The following NRXN2 variants were observed in gnomAD, a reference collection of about 807,000 sequenced individuals.
NRXN2 encodes the protein neurexin-2-beta.
In NRXN2, 29 loss-of-function variants were observed where a neutral mutation model predicts 128.8. The ratio of observed to expected loss-of-function variants is 0.23; its 90% CI spans 0.17 to 0.31. The LOEUF is 0.31. NRXN2 is among the 10% of genes least tolerant of loss of function. The probability of loss-of-function intolerance (pLI) is 1.00; values close to 1 mark genes in which losing one functional copy is unlikely to be tolerated. For missense variants in NRXN2, 1,881 were observed against 2,452.6 expected (o/e 0.77, Z 4.92); for synonymous variants, 1,098 against 1,075.2 (o/e 1.02, Z -0.41).
chr11:64,654,144 C>T (rs1485733022), intron 11 of NRXN2, among the ~76,000 whole-genome samples: 1 of 152,168 alleles, frequency 6.6e-6, no homozygotes, highest in African/African-American at 2.4e-5. Context: ...CCTGCATCCC[C>T]TGCTCTGGGA....
At position 64,607,877 on chromosome 11, in the gene NRXN2, G is replaced by A. The variant is rs757210381; in HGVS notation, c.4458C>T (p.Cys1486=). Residue 1486 remains cysteine (C), a synonymous_variant, in exon 23 of 23, where the codon TGC becomes TGT. Transcript: ENST00000265459. ...PCQAERDDSD[C]EEPIEASGFA... ...AGCCCGAGGCCTCGATGGGCTCCTC[G>A]CAGTCGCTGTCGTCCCGCTCGGCCT... is the stretch of plus-strand genomic sequence containing the variant. The A allele has an allele frequency of 4.4e-6, 7 of 1,586,286 alleles. No individual in the cohort carries two copies. In the South Asian group the frequency reaches 5.7e-5, roughly 13 times the overall value.
At position 64,607,982 on chromosome 11, in the gene NRXN2, G is replaced by A. The variant is rs761372458; in HGVS notation, c.4353C>T (p.Pro1451=). The A allele has an allele frequency of 3.7e-5, 57 of 1,545,492 alleles. No individual in the cohort carries two copies. The Middle Eastern group carries it at 1.7e-3, about 46-fold the overall frequency. ...PFVPPPPTFY[P]FLTGVGATQD... is the part of the protein sequence containing the mutation. ...GGGTGGCGCCCACTCCCGTGAGGAAGGGGTAGAAGGTAGGGGGCGGGGGCA... is the reference window on the plus strand; with the variant it reads ...GGGTGGCGCCCACTCCCGTGAGGAAAGGGTAGAAGGTAGGGGGCGGGGGCA... The change falls in exon 23 of 23, where the codon CCC becomes CCT. Residue 1451 remains proline, a synonymous_variant. Coordinates refer to ENST00000265459, the MANE Select transcript of NRXN2 (RefSeq NM_015080.4).
At chr11:64,677,803 A>G (rs2051562447) in intron 6 of NRXN2, among the ~76,000 whole-genome samples, 1 of 152,228 alleles carries the variant, frequency 6.6e-6, no homozygotes, top group African/African-American at 2.4e-5. Flanking sequence ...ATGGCTTTCC[A>G]GAGAACTGGC....
chr11:64,637,094 C>G (rs1392292270), intron 17 of NRXN2, among the ~76,000 whole-genome samples: 1 of 151,884 alleles, frequency 6.6e-6, no homozygotes, highest in East Asian at 1.9e-4. Context: ...TGCTGTTCCC[C>G]AGAGCACCCA....
At chr11:64,639,315 C>T (rs1016898942) in intron 17 of NRXN2, among the ~76,000 whole-genome samples, 8 of 152,082 alleles carry the variant, frequency 5.3e-5, no homozygotes, top group Admixed American at 1.3e-4. Context: ...TTCCTAACCC[C>T]CTGCTTGGCC....
rs1163730030 is a variant in NRXN2 at position 64,635,846 on chromosome 11, AC to A, written c.3404-395del. 1.3e-5 allele frequency among the ~76,000 whole-genome samples: 2 copies of A among 152,074 alleles called. No homozygotes were observed. The highest frequency in any genetic ancestry group is 2.9e-5 in the Non-Finnish European group (2 of 67,986). Reference sequence around the variant, plus strand: ...ACTTCTCCCAGGCCTGGCAGAGGTGACAGATCCAAGGTGTGTGCTTCTTTGG... The same window carrying A: ...ACTTCTCCCAGGCCTGGCAGAGGTGAAGATCCAAGGTGTGTGCTTCTTTGG... On this transcript the variant is annotated intron_variant, in intron 17 of 22. Coordinates refer to ENST00000265459, the MANE Select transcript of NRXN2 (RefSeq NM_015080.4). This position sits in a 1 kb window ranked among gnomAD's most constrained non-coding sequence, Gnocchi z 4.8.
chr11:64,651,205 AG>A lies in NRXN2; in HGVS notation c.2918+49del, dbSNP rs751796513. ...CCAGGAGAGCTGTATGTGGTTCAGC[AG>A]GGGGAGGGGGCCACCTCCTTGACAG... is the stretch of plus-strand genomic sequence containing the variant. On this transcript the variant is annotated intron_variant, in intron 14 of 22. Transcript: ENST00000265459. The surrounding 1 kb of genome is among the most constrained non-coding windows in gnomAD (Gnocchi z 5.9). The A allele has an allele frequency of 4.3e-6, 7 of 1,611,320 alleles. No individual in the cohort carries two copies. Among genetic ancestry groups the A allele is most frequent in the Non-Finnish European group, 5.1e-6 (6 of 1,179,432 alleles).
intron 2 of NRXN2, among the ~76,000 whole-genome samples, chr11:64,710,556 G>A (rs1049555824): frequency 2.6e-5 from 4 of 152,132 alleles, no homozygotes; most frequent in Non-Finnish European, 5.9e-5. Flanking sequence ...GCCACAGTGA[G>A]GCCAGGGACC....
rs1252751874 is a variant in NRXN2, at chr11:64,713,561, C to T, written c.139G>A (p.Ala47Thr). The T allele has an allele frequency of 1.4e-6, 2 of 1,415,926 alleles. No individual in the cohort carries two copies. The allele number at this position is 1,415,926 out of a possible 1,614,324, so 87.7% of individuals were successfully genotyped here. A position where few individuals can be genotyped will look rare whatever the true frequency, so the allele number is the denominator to read the frequency against. Residue 47 changes from alanine (A) to threonine (T), a missense_variant, in exon 2 of 23, where the codon GCG (alanine) becomes ACG (threonine). Ala to Thr is a moderately conservative substitution (Grantham distance 58, BLOSUM62 0). Around this residue, in one of 7 missense-constraint regions of NRXN2, gnomAD observed 997 missense variants for 1,240.8 expected, o/e 0.80. Coordinates refer to ENST00000265459, the MANE Select transcript of NRXN2 (RefSeq NM_015080.4). ...AAGCTGAGCTCGCCGCTGCTCGCCG[C>T]GCCCGCCCAGCGCGCGTAGCGAGCC... ...QWARYARWAG[A>T]ASSGELSFSL...
At chr11:64,677,880 T>C (rs1565385277) in intron 6 of NRXN2, among the ~76,000 whole-genome samples, 1 of 152,086 alleles carries the variant, frequency 6.6e-6, no homozygotes, top group East Asian at 1.9e-4. Flanking sequence ...GATTAACCAG[T>C]TGGTGATGGG....
intron 9 of NRXN2, among the ~76,000 whole-genome samples, chr11:64,662,657 CTGTAGT>C (rs2049203250): frequency 2.0e-5 from 3 of 152,070 alleles, no homozygotes; most frequent in Admixed American, 2.0e-4. Context: ...TGGCGGGCGC[CTGTAGT>C]CCCAGATACT....
At chr11:64,718,032 G>A (rs1488773595) in intron 1 of NRXN2, among the ~76,000 whole-genome samples, 1 of 152,112 alleles carries the variant, frequency 6.6e-6, no homozygotes, top group Non-Finnish European at 1.5e-5. Context: ...TGGAAACTGA[G>A]TCCCAGGGAG....
chr11:64,629,210 G>C (rs148719168), intron 19 of NRXN2, among the ~76,000 whole-genome samples: 195 of 152,270 alleles, frequency 1.3e-3, no homozygotes, highest in African/African-American at 4.0e-3. Flanking sequence ...GAGTGATGGA[G>C]GTCGCAGATG....
chr11:64,718,826 T>A (rs562202928), intron 1 of NRXN2, among the ~76,000 whole-genome samples: 1 of 152,026 alleles, frequency 6.6e-6, no homozygotes, highest in Non-Finnish European at 1.5e-5. Context: ...GCCGTGATGA[T>A]CTGGCAGAAA....
chr11:64,701,765 GGGGGGGAAGT>G (rs1377612308), intron 2 of NRXN2, among the ~76,000 whole-genome samples: 1 of 152,102 alleles, frequency 6.6e-6, no homozygotes, highest in Non-Finnish European at 1.5e-5. Flanking sequence ...AGCCCCGTCC[GGGGGGGAAGT>G]GGGGGGATCA....
intron 2 of NRXN2, 74 bp from the exon 3 acceptor site, chr11:64,697,866 C>A: frequency 1.3e-6 from 2 of 1,568,966 alleles, no homozygotes; most frequent in Non-Finnish European, 8.7e-7. Flanking sequence ...AAAGGTACCA[C>A]GGACAGGGGC....
chr11:64,653,819 G>A (rs1438599156), intron 11 of NRXN2, 97 bp from the exon 12 acceptor site: 16 of 940,878 alleles, frequency 1.7e-5, no homozygotes, highest in East Asian at 1.3e-4. Flanking sequence ...GGGTGTCTGC[G>A]GGCGGGGTTC....
At chr11:64,686,617 A>G (rs1468978712) in intron 5 of NRXN2, among the ~76,000 whole-genome samples, 1 of 152,210 alleles carries the variant, frequency 6.6e-6, no homozygotes, top group Non-Finnish European at 1.5e-5. Flanking sequence ...GGCAGAGCTC[A>G]CATGGGTGGC....
In NRXN2 at chr11:64,644,022, G is replaced by T. The variant is rs968781487; in HGVS notation, c.3403+4197C>A. On this transcript the variant is annotated intron_variant, in intron 17 of 22. Transcript: ENST00000265459. The stretch of plus-strand genomic sequence containing the variant: ...TGGAAACATCCACGTGCCCATATGG[G>T]CACAGTGTGCGGGTAGGCACACAGG... 2.0e-5 allele frequency among the ~76,000 whole-genome samples: 3 copies of T among 151,982 alleles called. No homozygotes were observed. The East Asian group carries it at 5.8e-4, about 29-fold the overall frequency.
Sources: allele counts gnomAD v4.1 joint callset (sites outside exome capture counted in the v4.1 genomes callset), GRCh38; gene constraint gnomAD v4.1.1; regional missense constraint gnomAD v4.1.1; non-coding constraint Gnocchi (gnomAD v3.1); transcripts MANE v1.5; gene names NCBI Gene and HGNC (gene_info 2026-07-23, HGNC 2026-07-21).